IGSF22: variants seen among roughly 807,000 people sequenced by gnomAD.
The protein encoded by IGSF22 is immunoglobulin superfamily member 22, also known as immunoglobulin superfamily, member 22.
In IGSF22, 119 loss-of-function variants were observed where a neutral mutation model predicts 127.0. That is an observed-to-expected ratio of 0.94 (90% CI 0.81 to 1.09). The LOEUF is 1.09. IGSF22 is among the 50% of genes least tolerant of loss of function. The pLI is 0.00. For synonymous variants in IGSF22, 568 were observed against 664.7 expected (o/e 0.85, Z 2.24); for missense variants, 1,518 against 1,716.6 (o/e 0.88, Z 2.04).
Position 18,716,570 on chromosome 11 carries a change from G to A in IGSF22, c.1246+158C>T, listed in dbSNP as rs79483395. On this transcript the variant is annotated intron_variant, in intron 10 of 22. Coordinates refer to ENST00000513874, the MANE Select transcript of IGSF22 (RefSeq NM_173588.4). This position sits in a 1 kb window ranked among gnomAD's most constrained non-coding sequence, Gnocchi z 4.5. Reference sequence around the variant, plus strand: ...ATACCTGCCTCCCCTACTAGACTAGGGGTTAACAGAGAGGAGATCCCCCTG... The same window carrying A: ...ATACCTGCCTCCCCTACTAGACTAGAGGTTAACAGAGAGGAGATCCCCCTG... Among the ~76,000 whole-genome samples, 393 of 152,184 alleles carry A rather than the reference G, an allele frequency of 2.6e-3. 3 individuals are homozygous for A. Among genetic ancestry groups the A allele is most frequent in the African/African-American group, 9.2e-3 (381 of 41,508 alleles).
At chr11:18,714,478 T>C in intron 12 of IGSF22, 22 bp downstream of exon 12, 1 of 1,614,194 alleles carries the variant, frequency 6.2e-7, no homozygotes, top group Non-Finnish European at 8.5e-7. Flanking sequence ...CTTCACCCCC[T>C]TCCCTGGCCT....
In IGSF22 at chr11:18,706,261, C is replaced by T. The variant is rs550114810; in HGVS notation, c.3581-115G>A. 52 of 1,004,530 alleles carry T rather than the reference C, an allele frequency of 5.2e-5. No homozygotes were observed. The South Asian group carries it at 7.8e-4, about 15-fold the overall frequency. The allele number at this position is 1,004,530 out of a possible 1,614,324, so 62.2% of individuals were successfully genotyped here. On this transcript the variant is annotated intron_variant, in intron 21 of 22. Transcript: ENST00000513874. Reference sequence around the variant, plus strand: ...GAGGACCTAGGCCACATTCCCAGCGCCACCAACTCTGGGGGCCCAATGTTA... The same window carrying T: ...GAGGACCTAGGCCACATTCCCAGCGTCACCAACTCTGGGGGCCCAATGTTA...
Position 18,722,033 on chromosome 11 carries a change from C to G in IGSF22, c.118G>C (p.Val40Leu). 6.2e-7 allele frequency: 1 copy of G among 1,613,966 alleles called. No individual in the cohort carries two copies. Among genetic ancestry groups the G allele is most frequent in the Non-Finnish European group, 8.5e-7 (1 of 1,180,040 alleles). ...ACTATGCTCGAGGACTTCCTCCTCA[C>G]GACCTCCTCTGTGGGGGCAGGCGAG... ...QTTKIVGEEV[V>L]RRKSSSIVEF... The change falls in exon 3 of 23, where the codon GTG (valine) becomes CTG (leucine). Residue 40 changes from valine (V) to leucine (L), a missense_variant. By Grantham distance (32) the Val-to-Leu change is conservative. This residue lies in a region of IGSF22 where 1,456 missense variants were observed against 1,644.9 expected (regional missense o/e 0.89). Coordinates refer to ENST00000513874, the MANE Select transcript of IGSF22 (RefSeq NM_173588.4).
chr11:18,707,755 G>T, intron 20 of IGSF22, 49 bp downstream of exon 20: 1 of 1,479,224 alleles, frequency 6.8e-7, no homozygotes. Flanking sequence ...GCTGTGCTTT[G>T]GAGAGTGTAC....
intron 22 of IGSF22, 86 bp from the exon 23 acceptor site, chr11:18,704,624 C>G (rs1848187267): frequency 2.3e-6 from 2 of 857,126 alleles, no homozygotes; most frequent in African/African-American, 1.7e-5. Context: ...ATGCAGGAAA[C>G]CAGGAGCTGG....
intron 4 of IGSF22, 48 bp downstream of exon 4, chr11:18,721,487 C>T: frequency 6.2e-7 from 1 of 1,613,264 alleles, no homozygotes; most frequent in Non-Finnish European, 8.5e-7. Context: ...CCTGGGGGTC[C>T]CTGCCTCTGG....
At position 18,709,680 on chromosome 11, in the gene IGSF22, G is replaced by T; in HGVS notation, c.2705C>A (p.Pro902His). 6.2e-7 allele frequency: 1 copy of T among 1,613,214 alleles called. No individual in the cohort carries two copies. Among genetic ancestry groups the T allele is most frequent in the Non-Finnish European group, 8.5e-7 (1 of 1,179,470 alleles). The change falls in exon 18 of 23, where the codon CCC (proline) becomes CAC (histidine). Residue 902 changes from proline (P) to histidine (H), a missense_variant. This residue lies in a region of IGSF22 where 1,456 missense variants were observed against 1,644.9 expected (regional missense o/e 0.89). Coordinates refer to ENST00000513874, the MANE Select transcript of IGSF22 (RefSeq NM_173588.4). The surrounding 1 kb of genome is among the most constrained non-coding windows in gnomAD (Gnocchi z 4.8). ...SSVVAKDPVK[P>H]PGLVQDLHVS... ...ATGCAGGTCCTGGACCAGGCCTGGG[G>T]GTTCTGGGGTAGAACAGACATGTAG...
At position 18,719,309 on chromosome 11, in the gene IGSF22, G is replaced by GTTTTTTTTTTT. The variant is rs377458792; in HGVS notation, c.696+406_696+407insAAAAAAAAAAA. On this transcript the variant is annotated intron_variant, in intron 7 of 22. Coordinates refer to ENST00000513874, the MANE Select transcript of IGSF22 (RefSeq NM_173588.4). Reference sequence around the variant, plus strand: ...ACAGGTGTGTGCCACCACACCCAGCGGTTTTTTTTTGTTTTTTTTTGTTTT... The same window carrying GTTTTTTTTTTT: ...ACAGGTGTGTGCCACCACACCCAGCGTTTTTTTTTTTGTTTTTTTTTGTTTTTTTTTGTTTT... Among the ~76,000 whole-genome samples the GTTTTTTTTTTT allele has an allele frequency of 8.2e-4, 74 of 90,500 alleles. 1 individual carries two copies. The highest frequency in any genetic ancestry group is 1.3e-3 in the Non-Finnish European group (54 of 42,648). The allele number at this position is 90,500 out of a possible 152,430, so 59.4% of individuals were successfully genotyped here.
rs150911574 is a variant in IGSF22 at position 18,714,802 on chromosome 11, G to A, written c.1532-178C>T. Among the ~76,000 whole-genome samples, 3 of 152,080 alleles carry A rather than the reference G, an allele frequency of 2.0e-5. 1 individual carries two copies. The highest frequency in any genetic ancestry group is 4.2e-4 in the South Asian group (2 of 4,800). On this transcript the variant is annotated intron_variant, in intron 11 of 22. Coordinates refer to ENST00000513874, the MANE Select transcript of IGSF22 (RefSeq NM_173588.4). ...AATAGGTGATTAGGGGGTGGTCAGTGGGGGGAACTGGAGCAACACATGGGA... is the reference window on the plus strand; with the variant it reads ...AATAGGTGATTAGGGGGTGGTCAGTAGGGGGAACTGGAGCAACACATGGGA...
rs1280051281 is a variant in IGSF22, at chr11:18,718,649, A to T, written c.776T>A (p.Leu259Gln). 6.2e-7 allele frequency: 1 copy of T among 1,613,130 alleles called. No individual in the cohort carries two copies. Among genetic ancestry groups the T allele is most frequent in the Non-Finnish European group, 8.5e-7 (1 of 1,179,166 alleles). ...TTVVFDCIMELKDPNVKMIWI... is the reference protein window; with the variant it reads ...TTVVFDCIMEQKDPNVKMIWI... ...TATCATCTTGACATTGGGGTCTTTC[A>T]GTTCCATTATGCAGTCAAAGACCAC... The change falls in exon 8 of 23, where the codon CTG (leucine) becomes CAG (glutamine). Residue 259 changes from leucine (L) to glutamine (Q), a missense_variant. Leu to Gln is a moderately radical substitution (Grantham distance 113). Coordinates refer to ENST00000513874, the MANE Select transcript of IGSF22 (RefSeq NM_173588.4).
chr11:18,713,608 A>G (rs1408436608), intron 14 of IGSF22, among the ~76,000 whole-genome samples: 2 of 152,240 alleles, frequency 1.3e-5, no homozygotes, highest in Non-Finnish European at 2.9e-5. Flanking sequence ...TTAACTAGAA[A>G]TGGATACTAG....
Position 18,719,671 on chromosome 11 carries a change from C to T in IGSF22, c.696+45G>A, listed in dbSNP as rs780137342. On this transcript the variant is annotated intron_variant, in intron 7 of 22. Coordinates refer to ENST00000513874, the MANE Select transcript of IGSF22 (RefSeq NM_173588.4). ...ACAGGCACTAGCACTTTGGGTGAAG[C>T]CCTGCCCCTAGCCTGCAGGCCCCTG... 9.4e-6 allele frequency: 15 copies of T among 1,589,518 alleles called. No individual in the cohort carries two copies. In the Admixed American group the frequency reaches 1.0e-4, roughly 11 times the overall value.
intron 7 of IGSF22, among the ~76,000 whole-genome samples, chr11:18,719,490 T>C (rs572607723): frequency 1.3e-5 from 2 of 152,272 alleles, no homozygotes; most frequent in Non-Finnish European, 2.9e-5. Context: ...TGAATCTCGG[T>C]CTATCTGACT....
intron 18 of IGSF22, among the ~76,000 whole-genome samples, chr11:18,708,524 A>G (rs1325223376): frequency 6.6e-6 from 1 of 152,220 alleles, no homozygotes; most frequent in Non-Finnish European, 1.5e-5. Flanking sequence ...TCTTGTTTCT[A>G]TAACCCTAAC....
chr11:18,706,959 C>T lies in IGSF22; in HGVS notation c.3535G>A (p.Glu1179Lys), dbSNP rs765887771. Residue 1179 changes from glutamate (E) to lysine (K), a missense_variant, in exon 21 of 23, where the codon GAG becomes AAG. By Grantham distance (56) the Glu-to-Lys change is moderately conservative (BLOSUM62 1). Transcript: ENST00000513874. ...VVARNEIGDS[E>K]PLDSRDTWLI... ...CAGGTGTCCCTGGAGTCAAGTGGCT[C>T]ACTGTCACCGATTTCATTCCGAGCC... is the stretch of plus-strand genomic sequence containing the variant. 2.0e-6 allele frequency: 3 copies of T among 1,535,620 alleles called. No individual in the cohort carries two copies. The highest frequency in any genetic ancestry group is 2.6e-6 in the Non-Finnish European group (3 of 1,138,080).
chr11:18,723,137 CT>C (rs2134170269), intron 2 of IGSF22, among the ~76,000 whole-genome samples: 1 of 152,298 alleles, frequency 6.6e-6, no homozygotes, highest in South Asian at 2.1e-4. Flanking sequence ...TGTTCCCTGC[CT>C]GGGCCCTGTT....
Position 18,722,178 on chromosome 11 carries a change from A to G in IGSF22, c.110-137T>C, listed in dbSNP as rs188095365. ...GGGAAGTGGGAGCAGGACCAGCTAC[A>G]TGGGGAGAAAGCAGGGTGAGTCGAT... On this transcript the variant is annotated intron_variant, in intron 2 of 22. Transcript: ENST00000513874. The G allele has an allele frequency of 3.2e-5, 32 of 987,754 alleles. No individual in the cohort carries two copies. In the Admixed American group the frequency reaches 5.4e-4, roughly 17 times the overall value. 61.2% of individuals were successfully genotyped at this position (987,754 alleles called of 1,614,324 possible). A position where few individuals can be genotyped will look rare whatever the true frequency, so the allele number is the denominator to read the frequency against.
At chr11:18,724,337 G>C in intron 1 of IGSF22, 68 bp from the exon 2 acceptor site, 5 of 803,258 alleles carry the variant, frequency 6.2e-6, no homozygotes, top group Non-Finnish European at 1.1e-5. Flanking sequence ...GATGTTATGT[G>C]TGTGTTCAGA....
At chr11:18,721,707 C>T (rs1401628812) in intron 3 of IGSF22, 36 bp from the exon 4 acceptor site, 1 of 1,613,248 alleles carries the variant, frequency 6.2e-7, no homozygotes, top group East Asian at 2.2e-5. Flanking sequence ...CGCCTCTTAG[C>T]CACCAGGCTA....
Sources: gnomAD v4.1 joint callset for allele counts (sites outside exome capture counted in the v4.1 genomes callset) on GRCh38, gnomAD v4.1.1 for gene constraint, gnomAD v4.1.1 regional missense constraint, Gnocchi (gnomAD v3.1) non-coding constraint, MANE v1.5 for transcripts, NCBI Gene and HGNC (gene_info 2026-07-23, HGNC 2026-07-21) for gene names.